GOLM2: variants seen among roughly 807,000 people sequenced by gnomAD.
The protein encoded by GOLM2 is protein GOLM2.
A neutral mutation model predicts 55.9 loss-of-function variants in GOLM2; 26 were observed. The observed-to-expected ratio is 0.47, with a 90% CI of 0.34 to 0.65. GOLM2 has a LOEUF of 0.65. Ranked by LOEUF, GOLM2 falls within the 30% of genes least tolerant of loss-of-function variation. The pLI, the probability that GOLM2 is intolerant of heterozygous loss-of-function variation, is 0.01. For synonymous variants in GOLM2, 165 were observed against 194.6 expected, an observed-to-expected ratio of 0.85 and a Z score of 1.27; for missense variants, 486 against 531.8, an observed-to-expected ratio of 0.91 and a Z score of 0.85.
intron 9 of GOLM2, among the ~76,000 whole-genome samples, chr15:44,406,101 T>C (rs904892066): frequency 6.6e-6 from 1 of 151,322 alleles, no homozygotes; most frequent in African/African-American, 2.4e-5. Flanking sequence ...GAACATAGAG[T>C]AGAAAAAAAC....
intron 6 of GOLM2, among the ~76,000 whole-genome samples, chr15:44,366,339 C>T (rs1402580978): frequency 6.6e-6 from 1 of 151,014 alleles, no homozygotes; most frequent in African/African-American, 2.4e-5. Flanking sequence ...CACAAAACTG[C>T]TCTAAGTCTT....
intron 6 of GOLM2, among the ~76,000 whole-genome samples, chr15:44,354,149 A>G (rs2079182203): frequency 6.6e-6 from 1 of 152,116 alleles, no homozygotes; most frequent in African/African-American, 2.4e-5. Context: ...TATGTAATTG[A>G]CATCTATTAA....
chr15:44,386,348 T>C (rs1319156094), intron 8 of GOLM2, among the ~76,000 whole-genome samples: 1 of 152,216 alleles, frequency 6.6e-6, no homozygotes, highest in Non-Finnish European at 1.5e-5. Context: ...ACCACAGATA[T>C]ATGGGTTTAT....
At chr15:44,354,181 G>T (rs927704937) in intron 6 of GOLM2, among the ~76,000 whole-genome samples, 7 of 151,758 alleles carry the variant, frequency 4.6e-5, no homozygotes, top group African/African-American at 1.5e-4. Context: ...AACAACAGCA[G>T]GGACTCATTC....
intron 8 of GOLM2, among the ~76,000 whole-genome samples, chr15:44,388,132 T>C (rs746261448): frequency 1.3e-5 from 2 of 151,392 alleles, no homozygotes; most frequent in Non-Finnish European, 2.9e-5. Flanking sequence ...AAAAATTAGC[T>C]GGGCTTGTTG....
intron 1 of GOLM2, among the ~76,000 whole-genome samples, chr15:44,303,732 ATTTTTTT>A (rs541563417): frequency 7.6e-6 from 1 of 130,804 alleles, no homozygotes; most frequent in Non-Finnish European, 1.6e-5. Context: ...CACCTGGCTA[ATTTTTTT>A]TTTTTTTTTT....
At chr15:44,366,310 A>AAAACAAAAC (rs1555424783) in intron 6 of GOLM2, among the ~76,000 whole-genome samples, 2,623 of 150,108 alleles carry the variant, frequency 0.017, 41 homozygotes, top group East Asian at 0.064. Flanking sequence ...AAAAAAAAAA[A>AAAACAAAAC]AAAACAAAAC....
chr15:44,311,641 T>C (rs1242065517), intron 1 of GOLM2, among the ~76,000 whole-genome samples: 1 of 151,846 alleles, frequency 6.6e-6, no homozygotes, highest in Admixed American at 6.6e-5. Context: ...AAACCTAATA[T>C]AGGATTGCTT....
chr15:44,363,173 A>T (rs2079254792), intron 6 of GOLM2, among the ~76,000 whole-genome samples: 1 of 152,198 alleles, frequency 6.6e-6, no homozygotes, highest in African/African-American at 2.4e-5. Context: ...CAATGGCAAC[A>T]AAAGCCAAAA....
At chr15:44,378,786 C>T (rs938384263) in intron 6 of GOLM2, among the ~76,000 whole-genome samples, 8 of 151,812 alleles carry the variant, frequency 5.3e-5, no homozygotes, top group Non-Finnish European at 1.2e-4. Flanking sequence ...GTCTCTGTCA[C>T]CCAGGTTGCA....
intron 6 of GOLM2, among the ~76,000 whole-genome samples, chr15:44,374,741 G>A (rs915661689): frequency 1.3e-5 from 2 of 152,078 alleles, no homozygotes; most frequent in East Asian, 3.9e-4. Flanking sequence ...ACTCTATCAC[G>A]AGACAGCACT....
chr15:44,322,195 C>T lies in GOLM2; in HGVS notation c.328-770C>T, dbSNP rs906371242. On this transcript the variant is annotated intron_variant, in intron 1 of 9. Coordinates refer to ENST00000299957, the MANE Select transcript of GOLM2 (RefSeq NM_138423.4). Reference sequence around the variant, plus strand: ...CCAGCCTGGCCAACATGGTAAAACCCCATCTCTACTAAAAATACAAAGATT... The same window carrying T: ...CCAGCCTGGCCAACATGGTAAAACCTCATCTCTACTAAAAATACAAAGATT... 2.0e-5 allele frequency among the ~76,000 whole-genome samples: 3 copies of T among 152,180 alleles called. No individual in the cohort carries two copies. The East Asian group carries it at 5.8e-4, about 29-fold the overall frequency.
At chr15:44,321,495 G>A (rs866428579) in intron 1 of GOLM2, among the ~76,000 whole-genome samples, 2 of 149,860 alleles carry the variant, frequency 1.3e-5, no homozygotes, top group Non-Finnish European at 3.0e-5. Flanking sequence ...GGGGGGGTGG[G>A]GGGATAGCAT....
chr15:44,377,854 T>A (rs1023204278), intron 6 of GOLM2, among the ~76,000 whole-genome samples: 1 of 151,516 alleles, frequency 6.6e-6, no homozygotes, highest in Non-Finnish European at 1.5e-5. Context: ...TTTTAAGGTA[T>A]ACAGTATAAT....
At chr15:44,297,247 T>C (rs1209479952) in intron 1 of GOLM2, among the ~76,000 whole-genome samples, 2 of 152,220 alleles carry the variant, frequency 1.3e-5, no homozygotes, top group East Asian at 3.9e-4. Context: ...CCATTTCTTT[T>C]TGTCAGTTCT....
intron 1 of GOLM2, among the ~76,000 whole-genome samples, chr15:44,296,727 C>G (rs1034059413): frequency 6.6e-6 from 1 of 152,188 alleles, no homozygotes; most frequent in Admixed American, 6.5e-5. Context: ...CTACCTGCCT[C>G]ACCCTTTGCT....
chr15:44,302,399 C>T (rs2078805041), intron 1 of GOLM2, among the ~76,000 whole-genome samples: 1 of 152,098 alleles, frequency 6.6e-6, no homozygotes, highest in Admixed American at 6.6e-5. Context: ...TTCACCTCGG[C>T]CTCCCAAAGT....
chr15:44,387,051 T>C (rs908577061), intron 8 of GOLM2, among the ~76,000 whole-genome samples: 1 of 151,940 alleles, frequency 6.6e-6, no homozygotes, highest in African/African-American at 2.4e-5. Context: ...GGCATGCACC[T>C]GTAGTCCCCG....
chr15:44,346,220 A>G (rs1261495759), intron 6 of GOLM2: 1 of 152,052 alleles, frequency 6.6e-6, no homozygotes, highest in Non-Finnish European at 1.5e-5. Context: ...TAGTTTTTAA[A>G]TATTAGGTAG....
Sources: gnomAD v4.1 joint callset for allele counts (sites outside exome capture counted in the v4.1 genomes callset) on GRCh38, gnomAD v4.1.1 for gene constraint, MANE v1.5 for transcripts, NCBI Gene and HGNC (gene_info 2026-07-23, HGNC 2026-07-21) for gene names.